SYNE2: variants seen among roughly 807,000 people sequenced by gnomAD.
The protein encoded by SYNE2 is spectrin repeat containing nuclear envelope protein 2.
In SYNE2, 431 loss-of-function variants were observed where a neutral mutation model predicts 856.3. The ratio of observed to expected loss-of-function variants is 0.50; its 90% CI spans 0.47 to 0.55. SYNE2 has a LOEUF of 0.55. Among genes scored for constraint, SYNE2 ranks in the 20% least tolerant of loss-of-function variants. SYNE2 has a pLI of 0.00. For synonymous variants in SYNE2, 2,923 were observed against 2,872.3 expected, an observed-to-expected ratio of 1.02 and a Z score of -0.56; for missense variants, 8,129 against 8,023.2, an observed-to-expected ratio of 1.01 and a Z score of -0.50.
chr14:64,086,729 A>G (rs369418832), intron 57 of SYNE2, among the ~76,000 whole-genome samples: 2 of 59,406 alleles, frequency 3.4e-5, no homozygotes, highest in African/African-American at 1.4e-4. Flanking sequence ...TTTTTTTTTG[A>G]GATGGTGTCT....
At chr14:63,799,801 C>T (rs1352753318) in intron 1 of SYNE2, among the ~76,000 whole-genome samples, 3 of 152,144 alleles carry the variant, frequency 2.0e-5, no homozygotes, top group Admixed American at 6.5e-5. Context: ...ATGTCAGTGT[C>T]GCACTTGAAA....
chr14:63,935,019 CTT>C (rs886201814), intron 2 of SYNE2, among the ~76,000 whole-genome samples: 2 of 141,028 alleles, frequency 1.4e-5, no homozygotes, highest in Non-Finnish European at 1.6e-5. Context: ...GCCTTTGATG[CTT>C]TTTTTTTTTG....
At chr14:63,907,250 TA>T (rs1447415993) in intron 1 of SYNE2, among the ~76,000 whole-genome samples, 2 of 152,218 alleles carry the variant, frequency 1.3e-5, no homozygotes, top group Non-Finnish European at 2.9e-5. Context: ...CCAGCTTATA[TA>T]ATTATTTGTT....
chr14:63,837,456 A>C (rs892956643), intron 1 of SYNE2, among the ~76,000 whole-genome samples: 1 of 152,236 alleles, frequency 6.6e-6, no homozygotes, highest in Admixed American at 6.5e-5. Flanking sequence ...GGACTTTATC[A>C]AAATGAAAAA....
In SYNE2 at chr14:64,090,875, G is replaced by C; in HGVS notation, c.11803G>C (p.Glu3935Gln). 6.2e-7 allele frequency: 1 copy of C among 1,613,908 alleles called. No individual in the cohort carries two copies. The highest frequency in any genetic ancestry group is 1.1e-5 in the South Asian group (1 of 91,040). The part of the protein sequence containing the change: ...EHLKHGEVIL[E>Q]NIRPMKKTIA... The stretch of plus-strand genomic sequence containing the variant: ...CTCTTATATAATTAAGGTCATACTT[G>C]AAAATATACGTCCCATGAAGAAAAC... The change falls in exon 60 of 116, where the codon GAA becomes CAA. Residue 3935 changes from glutamate (E) to glutamine (Q), a missense_variant. By Grantham distance (29) the Glu-to-Gln change is conservative (BLOSUM62 2). Transcript: ENST00000555002.
chr14:64,182,808 T>G (rs1261472256), intron 96 of SYNE2, among the ~76,000 whole-genome samples: 2 of 152,218 alleles, frequency 1.3e-5, no homozygotes, highest in Non-Finnish European at 2.9e-5. Flanking sequence ...ACAGCAACAA[T>G]TTGATTTCTC....
chr14:63,813,540 A>G (rs908186501), intron 1 of SYNE2, among the ~76,000 whole-genome samples: 1 of 152,220 alleles, frequency 6.6e-6, no homozygotes, highest in African/African-American at 2.4e-5. Flanking sequence ...CACACCTGTA[A>G]TCCCAACACT....
rs1555341135 is a variant in SYNE2, at chr14:63,814,881, T to TATATATATC, written c.-304-37619_-304-37611dup. ...ATATATATCTCTCCATATATATCCA[T>TATATATATC]ATATATATCCATATATATATCCATA... On this transcript the variant is annotated intron_variant, in intron 1 of 23. Coordinates refer to the SYNE2 transcript ENST00000674003. 3.0e-3 allele frequency among the ~76,000 whole-genome samples: 221 copies of TATATATATC among 72,888 alleles called. 5 individuals carry two copies. The highest frequency in any genetic ancestry group is 0.019 in the Middle Eastern group (1 of 52). The allele number at this position is 72,888 out of a possible 152,430, so 47.8% of individuals were successfully genotyped here.
chr14:63,928,187 T>C (rs1291987525), intron 2 of SYNE2, among the ~76,000 whole-genome samples: 1 of 151,860 alleles, frequency 6.6e-6, no homozygotes, highest in Non-Finnish European at 1.5e-5. Flanking sequence ...ATGATAAAGG[T>C]TGGGGGTGTC....
chr14:63,949,034 A>G (rs1250258201), intron 6 of SYNE2, among the ~76,000 whole-genome samples: 1 of 151,856 alleles, frequency 6.6e-6, no homozygotes, highest in Non-Finnish European at 1.5e-5. Context: ...AGTGCTAATC[A>G]GATCAAGTTT....
At position 64,070,708 on chromosome 14, in the gene SYNE2, A is replaced by C. The variant is rs752900825; in HGVS notation, c.10495A>C (p.Lys3499Gln). The part of the protein sequence containing the change: ...QEELPEISKT[K>Q]EAATTEELSE... ...AGAACTCCCTGAAATTTCCAAAACA[A>C]AAGAGGCAGCCACCACAGAGGAACT... is the stretch of plus-strand genomic sequence containing the variant. The change falls in exon 52 of 116, where the codon AAA (lysine) becomes CAA (glutamine). Residue 3499 changes from lysine (K) to glutamine (Q), a missense_variant. Coordinates refer to ENST00000555002, the MANE Select transcript of SYNE2 (RefSeq NM_182914.3). 30 of 1,613,982 alleles carry C rather than the reference A, an allele frequency of 1.9e-5. No individual in the cohort carries two copies. In the Admixed American group the frequency reaches 4.7e-4, roughly 25 times the overall value.
At chr14:63,982,015 G>A (rs2096589390) in intron 16 of SYNE2, among the ~76,000 whole-genome samples, 1 of 152,104 alleles carries the variant, frequency 6.6e-6, no homozygotes, top group African/African-American at 2.4e-5. Flanking sequence ...ACACGCTAAG[G>A]TTGTAATACC....
Position 63,996,994 on chromosome 14 carries a change from G to A in SYNE2, c.2988G>A (p.Met996Ile). The A allele has an allele frequency of 6.2e-7, 1 of 1,614,086 alleles. No homozygotes were observed. The highest frequency in any genetic ancestry group is 8.5e-7 in the Non-Finnish European group (1 of 1,180,008). Residue 996 changes from methionine to isoleucine, a missense_variant, in exon 24 of 116, where the codon ATG (methionine) becomes ATA (isoleucine). Met to Ile is a conservative substitution (Grantham distance 10). Around this residue, in one of 3 missense-constraint regions of SYNE2, gnomAD observed 2,422 missense variants for 2,357.4 expected, o/e 1.03. Coordinates refer to ENST00000555002, the MANE Select transcript of SYNE2 (RefSeq NM_182914.3). ...GCCTGTACCAGCTTAATCACCACAT[G>A]GAAGTCCTGAGGGAGCTGTGTGAAG... ...EGCLYQLNHH[M>I]EVLRELCEEL...
chr14:64,115,876 A>G (rs555638885), intron 66 of SYNE2, among the ~76,000 whole-genome samples: 132 of 149,182 alleles, frequency 8.8e-4, no homozygotes, highest in Middle Eastern at 3.4e-3. Context: ...ATTATGGACC[A>G]GGAGTGGTGG....
At chr14:63,885,891 T>C (rs2094972923) in intron 1 of SYNE2, among the ~76,000 whole-genome samples, 1 of 152,240 alleles carries the variant, frequency 6.6e-6, no homozygotes, top group African/African-American at 2.4e-5. Flanking sequence ...ACAGTAGTCC[T>C]TTCCCATGGG....
chr14:63,974,890 G>GTATATATATATATATATATATA (rs1281921502), intron 11 of SYNE2, among the ~76,000 whole-genome samples: 36 of 27,494 alleles, frequency 1.3e-3, no homozygotes, highest in South Asian at 2.3e-3. Context: ...GTGTGTGTGT[G>GTATATATATATATATATATATA]TGTATATATA....
intron 77 of SYNE2, 122 bp from the exon 78 acceptor site, chr14:64,133,947 G>A: frequency 8.3e-7 from 1 of 1,201,608 alleles, no homozygotes; most frequent in Non-Finnish European, 1.2e-6. Flanking sequence ...GAACACACCT[G>A]GAATCTGTGC....
chr14:64,091,107 T>A, intron 60 of SYNE2, 59 bp downstream of exon 60: 1 of 1,541,060 alleles, frequency 6.5e-7, no homozygotes, highest in Non-Finnish European at 8.9e-7. Flanking sequence ...AAAAGCTGGT[T>A]TGGTTTTCAC....
intron 99 of SYNE2, among the ~76,000 whole-genome samples, chr14:64,201,722 G>T (rs2098567986): frequency 6.6e-6 from 1 of 152,176 alleles, no homozygotes; most frequent in African/African-American, 2.4e-5. Context: ...GTGGCATGGA[G>T]CACAATGCTT....
Sources: gnomAD v4.1 joint callset for allele counts (sites outside exome capture counted in the v4.1 genomes callset) on GRCh38, gnomAD v4.1.1 for gene constraint, gnomAD v4.1.1 regional missense constraint, MANE v1.5 for transcripts, NCBI Gene and HGNC (gene_info 2026-07-23, HGNC 2026-07-21) for gene names.